The following MACIR variants were observed in gnomAD, a reference collection of about 807,000 sequenced individuals.
MACIR encodes the protein macrophage immunometabolism regulator, also known as UNC119-binding protein C5orf30.
A neutral mutation model predicts 14.3 loss-of-function variants in MACIR; 4 were observed. The ratio of observed to expected loss-of-function variants is 0.28; its 90% CI spans 0.14 to 0.64. The LOEUF is 0.64. Ranked by LOEUF, MACIR falls within the 30% of genes least tolerant of loss-of-function variation. The probability of loss-of-function intolerance (pLI) is 0.83; values close to 1 mark genes in which losing one functional copy is unlikely to be tolerated. For missense variants in MACIR, 228 were observed against 257.6 expected (o/e 0.89, Z 0.79); for synonymous variants, 101 against 102.4 (o/e 0.99, Z 0.08).
At chr5:103,259,355 G>A (rs1554235959) in intron 1 of MACIR, 1 of 150,312 alleles carries the variant, frequency 6.7e-6, no homozygotes, top group African/African-American at 2.4e-5. Flanking sequence ...CGGCGACCCG[G>A]AGCGCCTCTC....
At chr5:103,263,353 C>T (rs75598511) in intron 1 of MACIR, among the ~76,000 whole-genome samples, 1,556 of 152,124 alleles carry the variant, frequency 0.01, 24 homozygotes, top group African/African-American at 0.036. Flanking sequence ...CTCCCTTGGA[C>T]ATTGTGTTTA....
At chr5:103,269,617 G>C (rs572808472) in intron 2 of MACIR, among the ~76,000 whole-genome samples, 2 of 152,076 alleles carry the variant, frequency 1.3e-5, no homozygotes, top group Non-Finnish European at 2.9e-5. Flanking sequence ...AGGAGCTAAG[G>C]CATCTAGATC....
At chr5:103,269,753 C>T (rs1554236979) in intron 2 of MACIR, among the ~76,000 whole-genome samples, 6 of 152,090 alleles carry the variant, frequency 3.9e-5, no homozygotes, top group Admixed American at 2.6e-4. Flanking sequence ...GCACGGGGTT[C>T]CACTCACGTG....
intron 1 of MACIR, among the ~76,000 whole-genome samples, chr5:103,260,144 G>T (rs116243934): frequency 1.0e-3 from 152 of 151,662 alleles, no homozygotes; most frequent in African/African-American, 3.6e-3. Flanking sequence ...AAGAATGGAG[G>T]CATTTTACAG....
intron 1 of MACIR, among the ~76,000 whole-genome samples, chr5:103,264,524 A>C (rs188772136): frequency 8.5e-5 from 13 of 152,270 alleles, no homozygotes; most frequent in Non-Finnish European, 1.5e-5. Flanking sequence ...TGTAGGTAAC[A>C]ATTTTTGTTA....
upstream of MACIR, chr5:103,258,667 G>GA (rs1369751790): frequency 6.5e-5 from 10 of 153,222 alleles, no homozygotes; most frequent in African/African-American, 2.4e-4. Context: ...CCAGAGGGAG[G>GA]AGGCGGGAAG....
At chr5:103,261,693 T>TTTCTTTCTTC (rs1804722620) in intron 1 of MACIR, among the ~76,000 whole-genome samples, 7 of 119,400 alleles carry the variant, frequency 5.9e-5, no homozygotes, top group African/African-American at 2.5e-4. Context: ...TTTCTTTCTT[T>TTTCTTTCTTC]CTTTCTTTCT....
chr5:103,260,214 C>G (rs1295558332), intron 1 of MACIR, among the ~76,000 whole-genome samples: 1 of 147,978 alleles, frequency 6.8e-6, no homozygotes, highest in East Asian at 1.9e-4. Context: ...TTACTAGACT[C>G]ATTTTCCTTT....
intron 1 of MACIR, among the ~76,000 whole-genome samples, chr5:103,261,537 A>G (rs1003812639): frequency 2.6e-5 from 4 of 152,090 alleles, no homozygotes. Flanking sequence ...TATTTTCACT[A>G]TTTTGAAAGA....
At chr5:103,273,039 C>T (rs551047994) in intron 2 of MACIR, among the ~76,000 whole-genome samples, 27 of 152,278 alleles carry the variant, frequency 1.8e-4, no homozygotes, top group African/African-American at 6.5e-4. Flanking sequence ...TGAGACTCTC[C>T]CGCAGGAATC....
rs781942521 is a variant in MACIR at position 103,276,053 on chromosome 5, G to A, written c.134G>A (p.Arg45Gln). The change falls in exon 3 of 3, where the codon CGG becomes CAG. Residue 45 changes from arginine to glutamine, a missense_variant. Arg to Gln is a conservative substitution (Grantham distance 43). Transcript: ENST00000319933. ...RCSSTPCSPM[R>Q]RTVSGYQILH... ...TCCAGCACACCCTGCTCCCCGATGC[G>A]GAGGACCGTGTCAGGCTACCAGATC... 5 of 1,613,890 alleles carry A rather than the reference G, an allele frequency of 3.1e-6. No individual in the cohort carries two copies. The highest frequency in any genetic ancestry group is 2.5e-6 in the Non-Finnish European group (3 of 1,180,020).
intron 2 of MACIR, among the ~76,000 whole-genome samples, chr5:103,266,624 G>T (rs1330014090): frequency 6.6e-6 from 1 of 152,040 alleles, no homozygotes; most frequent in Non-Finnish European, 1.5e-5. Context: ...AGGGAAAAAA[G>T]AAATTCATAA....
chr5:103,267,051 G>A (rs1554236784), intron 2 of MACIR, among the ~76,000 whole-genome samples: 1 of 152,028 alleles, frequency 6.6e-6, no homozygotes, highest in African/African-American at 2.4e-5. Flanking sequence ...TAGAAATAAA[G>A]CACAAAACTA....
At chr5:103,268,576 C>A (rs192432514) in intron 2 of MACIR, among the ~76,000 whole-genome samples, 6 of 152,296 alleles carry the variant, frequency 3.9e-5, no homozygotes, top group Admixed American at 3.3e-4. Context: ...CTGATAAGTT[C>A]TATCTGACAA....
chr5:103,275,106 A>T (rs1213202650), intron 2 of MACIR, among the ~76,000 whole-genome samples: 3 of 152,238 alleles, frequency 2.0e-5, no homozygotes, highest in African/African-American at 7.2e-5. Flanking sequence ...GGTATTGAAA[A>T]ACAGAATGTC....
At chr5:103,260,050 CGTGTGTGTGTGT>C (rs70990427) in intron 1 of MACIR, among the ~76,000 whole-genome samples, 3 of 138,696 alleles carry the variant, frequency 2.2e-5, no homozygotes, top group South Asian at 2.2e-4. Context: ...CCAAGATTTC[CGTGTGTGTGTGT>C]GTGTGTGTGT....
chr5:103,261,686 C>CTTCCTTTCTTTCTTTTCT (rs1804718443), intron 1 of MACIR, among the ~76,000 whole-genome samples: 1 of 121,846 alleles, frequency 8.2e-6, no homozygotes, highest in African/African-American at 3.3e-5. Context: ...TTCTTTCTTT[C>CTTCCTTTCTTTCTTTTCT]TTTCTTTCTT....
At position 103,265,509 on chromosome 5, in the gene MACIR, A is replaced by C. The variant is rs147760822; in HGVS notation, c.-113-399A>C. ...GTTCTTGGCAAGGCCAGAGCTAGGA[A>C]CTATGGCCTGTGCTTTTGATCCTAG... On this transcript the variant is annotated intron_variant, in intron 1 of 2. Coordinates refer to ENST00000319933, the MANE Select transcript of MACIR (RefSeq NM_033211.4). Among the ~76,000 whole-genome samples, 303 of 152,302 alleles carry C rather than the reference A, an allele frequency of 2.0e-3. 1 individual carries two copies. The highest frequency in any genetic ancestry group is 7.0e-3 in the African/African-American group (292 of 41,568).
At chr5:103,274,411 A>C (rs941953097) in intron 2 of MACIR, among the ~76,000 whole-genome samples, 11 of 151,308 alleles carry the variant, frequency 7.3e-5, no homozygotes, top group African/African-American at 2.7e-4. Context: ...AAAGCTGATT[A>C]CTTTAAATCT....
Sources: gnomAD v4.1 joint callset for allele counts (sites outside exome capture counted in the v4.1 genomes callset) on GRCh38, gnomAD v4.1.1 for gene constraint, MANE v1.5 for transcripts, NCBI Gene and HGNC (gene_info 2026-07-23, HGNC 2026-07-21) for gene names.